ADCY2: variants seen among roughly 807,000 people sequenced by gnomAD.
The protein encoded by ADCY2 is adenylate cyclase 2.
Under a neutral mutation model 125.2 loss-of-function variants are expected in ADCY2, and 31 were observed. The observed-to-expected ratio is 0.25, with a 90% CI of 0.19 to 0.33. The LOEUF is 0.33. Ranked by LOEUF, ADCY2 falls within the 10% of genes least tolerant of loss-of-function variation. ADCY2 has a pLI of 1.00. For synonymous variants in ADCY2, 512 were observed against 548.4 expected, an observed-to-expected ratio of 0.93 and a Z score of 0.93; for missense variants, 904 against 1,418.2, an observed-to-expected ratio of 0.64 and a Z score of 5.82.
intron 2 of ADCY2, among the ~76,000 whole-genome samples, chr5:7,519,902 A>C (rs1744381595): frequency 6.6e-6 from 1 of 152,210 alleles, no homozygotes; most frequent in Non-Finnish European, 1.5e-5. Context: ...TGTAAAAGGA[A>C]TCATACACTA....
At chr5:7,432,030 CAG>C (rs1740620413) in intron 2 of ADCY2, among the ~76,000 whole-genome samples, 1 of 152,050 alleles carries the variant, frequency 6.6e-6, no homozygotes, top group Non-Finnish European at 1.5e-5. Flanking sequence ...GCTCTACTGG[CAG>C]AGAGAAGAGA....
intron 22 of ADCY2, among the ~76,000 whole-genome samples, chr5:7,815,371 A>C (rs1002386790): frequency 6.6e-6 from 1 of 152,148 alleles, no homozygotes. Context: ...TCGGCCAAGC[A>C]GCCATGCCCG....
At chr5:7,733,330 G>A (rs1212399595) in intron 14 of ADCY2, among the ~76,000 whole-genome samples, 1 of 152,182 alleles carries the variant, frequency 6.6e-6, no homozygotes, top group Non-Finnish European at 1.5e-5. Context: ...TTCAAATCCT[G>A]GGATAGGTTG....
At chr5:7,568,524 T>A (rs554671774) in intron 3 of ADCY2, among the ~76,000 whole-genome samples, 1 of 152,088 alleles carries the variant, frequency 6.6e-6, no homozygotes, top group South Asian at 2.1e-4. Context: ...AGTTTAATGG[T>A]GGAATTTCTC....
At chr5:7,517,420 T>C (rs1269243842) in intron 2 of ADCY2, among the ~76,000 whole-genome samples, 1 of 152,190 alleles carries the variant, frequency 6.6e-6, no homozygotes, top group African/African-American at 2.4e-5. Flanking sequence ...TAGTTTTACA[T>C]ATGGCCCTAT....
intron 2 of ADCY2, among the ~76,000 whole-genome samples, chr5:7,456,423 A>G (rs1429577463): frequency 1.3e-5 from 2 of 152,220 alleles, no homozygotes; most frequent in Non-Finnish European, 2.9e-5. Context: ...TCAGAGCTTC[A>G]GAGACTGCAA....
chr5:7,618,252 C>T (rs1737829800), intron 3 of ADCY2, among the ~76,000 whole-genome samples: 2 of 152,116 alleles, frequency 1.3e-5, no homozygotes, highest in Admixed American at 1.3e-4. Context: ...ATGTTTAGGC[C>T]CATATCCTTT....
Position 7,683,906 on chromosome 5 carries a change from C to T in ADCY2, c.721-6785C>T, listed in dbSNP as rs1007469339. Among the ~76,000 whole-genome samples, 4 of 152,240 alleles carry T rather than the reference C, an allele frequency of 2.6e-5. No individual in the cohort carries two copies. The South Asian group carries it at 8.3e-4, about 31-fold the overall frequency. On this transcript the variant is annotated intron_variant, in intron 4 of 24. Transcript: ENST00000338316. Reference sequence around the variant, plus strand: ...CTTCTGTCAATGATATTATCAGCATCTCCACTTTGTCCTCCTCCTCAGAAG... The same window carrying T: ...CTTCTGTCAATGATATTATCAGCATTTCCACTTTGTCCTCCTCCTCAGAAG...
At chr5:7,606,919 C>G (rs928029425) in intron 3 of ADCY2, among the ~76,000 whole-genome samples, 1 of 152,142 alleles carries the variant, frequency 6.6e-6, no homozygotes, top group Non-Finnish European at 1.5e-5. Context: ...TATGTCCATA[C>G]TGTCTTCCAT....
At chr5:7,652,606 G>A (rs992931123) in intron 4 of ADCY2, among the ~76,000 whole-genome samples, 2 of 152,118 alleles carry the variant, frequency 1.3e-5, no homozygotes, top group Non-Finnish European at 2.9e-5. Context: ...TTGTATACAA[G>A]GTCTATAGAA....
intron 2 of ADCY2, among the ~76,000 whole-genome samples, chr5:7,442,000 G>C (rs756183576): frequency 7.9e-5 from 12 of 152,100 alleles, no homozygotes; most frequent in Non-Finnish European, 1.8e-4. Context: ...CTGTTTTTCT[G>C]GTATAGGTCC....
At position 7,800,299 on chromosome 5, in the gene ADCY2, GTCA is replaced by G. The variant is rs1373776032; in HGVS notation, c.2629-1914_2629-1912del. The stretch of plus-strand genomic sequence containing the variant: ...GCTGGCTATTATTGTGCTTATTCTT[GTCA>G]TCATTATCATTCCCCAAAGAGCACT... On this transcript the variant is annotated intron_variant, in intron 20 of 24. Coordinates refer to ENST00000338316, the MANE Select transcript of ADCY2 (RefSeq NM_020546.3). The G allele has an allele frequency of 2.0e-5, 3 of 152,290 alleles. No homozygotes were observed. In the East Asian group the frequency reaches 5.8e-4, roughly 29 times the overall value. The allele number at this position is 152,290 out of a possible 1,614,324, so 9.4% of individuals were successfully genotyped here. A position where few individuals can be genotyped will look rare whatever the true frequency, so the allele number is the denominator to read the frequency against.
chr5:7,567,315 C>A (rs1735924339), intron 3 of ADCY2, among the ~76,000 whole-genome samples: 1 of 152,144 alleles, frequency 6.6e-6, no homozygotes, highest in Non-Finnish European at 1.5e-5. Context: ...TCTCTGGTTT[C>A]TGTTGATCCA....
At chr5:7,535,692 A>T (rs968565296) in intron 3 of ADCY2, among the ~76,000 whole-genome samples, 3 of 152,180 alleles carry the variant, frequency 2.0e-5, no homozygotes, top group Non-Finnish European at 2.9e-5. Flanking sequence ...TTATAGTATT[A>T]TAGAAGGATT....
chr5:7,527,475 A>C (rs1408846157), intron 3 of ADCY2, among the ~76,000 whole-genome samples: 3 of 152,150 alleles, frequency 2.0e-5, no homozygotes, highest in East Asian at 3.9e-4. Flanking sequence ...CTTGGTATTC[A>C]TAGCACGTTC....
Position 7,658,431 on chromosome 5 carries a change from G to GTGTGTATA in ADCY2, c.720+32116_720+32117insGTGTATAT, listed in dbSNP as rs59664339. ...TGTGTGTGTGTGTGTGTGTGTGTGT[G>GTGTGTATA]TATATATATATATATTTGAGATGGA... On this transcript the variant is annotated intron_variant, in intron 4 of 24. Transcript: ENST00000338316. 3.5e-3 allele frequency among the ~76,000 whole-genome samples: 496 copies of GTGTGTATA among 142,980 alleles called. 5 individuals are homozygous for GTGTGTATA. Among genetic ancestry groups the GTGTGTATA allele is most frequent in the East Asian group, 0.015 (70 of 4,644 alleles). 93.8% of individuals were successfully genotyped at this position (142,980 alleles called of 152,430 possible).
chr5:7,591,212 T>C (rs955222607), intron 3 of ADCY2, among the ~76,000 whole-genome samples: 1 of 152,212 alleles, frequency 6.6e-6, no homozygotes. Flanking sequence ...GGTATACCTA[T>C]GTCAGAAAAC....
chr5:7,501,111 T>C (rs1743545419), intron 2 of ADCY2, among the ~76,000 whole-genome samples: 1 of 147,400 alleles, frequency 6.8e-6, no homozygotes, highest in South Asian at 2.1e-4. Context: ...ACAGCTACAA[T>C]TTAAATAAAA....
intron 15 of ADCY2, among the ~76,000 whole-genome samples, chr5:7,756,419 G>T (rs1042582102): frequency 1.3e-5 from 2 of 152,172 alleles, no homozygotes; most frequent in Non-Finnish European, 2.9e-5. Context: ...CAACAGCCAA[G>T]AGGTGAAGCA....
Sources: allele counts gnomAD v4.1 joint callset (sites outside exome capture counted in the v4.1 genomes callset), GRCh38; gene constraint gnomAD v4.1.1; transcripts MANE v1.5; gene names NCBI Gene and HGNC (gene_info 2026-07-23, HGNC 2026-07-21).